The following DIP2C variants were observed in gnomAD, a reference collection of about 807,000 sequenced individuals.
DIP2C encodes the protein DIP2 acetate--CoA ligase C (putative).
Under a neutral mutation model 192.4 loss-of-function variants are expected in DIP2C, and 33 were observed. That is an observed-to-expected ratio of 0.17 (90% CI 0.13 to 0.23). DIP2C has a LOEUF of 0.23. DIP2C is among the 10% of genes least tolerant of loss of function. The pLI, the probability that DIP2C is intolerant of heterozygous loss-of-function variation, is 1.00. For synonymous variants in DIP2C, 979 were observed against 864.1 expected, an observed-to-expected ratio of 1.13 and a Z score of -2.33; for missense variants, 1,537 against 2,110.1, an observed-to-expected ratio of 0.73 and a Z score of 5.32.
At chr10:672,118 G>A (rs1830679351) in intron 1 of DIP2C, among the ~76,000 whole-genome samples, 1 of 150,624 alleles carries the variant, frequency 6.6e-6, no homozygotes. Flanking sequence ...CGCACGGAGG[G>A]AGGAAACGTC....
intron 31 of DIP2C, among the ~76,000 whole-genome samples, chr10:320,929 G>T (rs931572257): frequency 2.0e-5 from 3 of 152,220 alleles, no homozygotes; most frequent in African/African-American, 7.2e-5. Flanking sequence ...GACAGAGTTC[G>T]AGAAGGCCCC....
intron 1 of DIP2C, among the ~76,000 whole-genome samples, chr10:674,789 T>TATATATATAGAGAGAGAG: frequency 4.5e-4 from 28 of 62,476 alleles, no homozygotes; most frequent in African/African-American, 1.3e-3. Context: ...TATATATATA[T>TATATATATAGAGAGAGAG]AGAGAGAGAG....
At chr10:512,048 A>C (rs1846050595) in intron 1 of DIP2C, among the ~76,000 whole-genome samples, 1 of 152,226 alleles carries the variant, frequency 6.6e-6, no homozygotes, top group African/African-American at 2.4e-5. Context: ...GGTCGCCCAC[A>C]GACGGCCGTT....
At chr10:373,625 C>A (rs1961242755) in intron 17 of DIP2C, among the ~76,000 whole-genome samples, 1 of 152,070 alleles carries the variant, frequency 6.6e-6, no homozygotes, top group Non-Finnish European at 1.5e-5. Context: ...CCCTGACACA[C>A]CATAAACTAA....
At chr10:592,111 T>C (rs865873863) in intron 1 of DIP2C, among the ~76,000 whole-genome samples, 6 of 152,240 alleles carry the variant, frequency 3.9e-5, no homozygotes, top group Non-Finnish European at 7.3e-5. Context: ...TATAAACGTA[T>C]AATTAGACAT....
intron 2 of DIP2C, among the ~76,000 whole-genome samples, chr10:477,865 C>T (rs1564762750): frequency 9.0e-6 from 1 of 110,808 alleles, no homozygotes; most frequent in African/African-American, 3.7e-5. Context: ...GTGAAGGAAG[C>T]AGAGAGAAGA....
At chr10:438,198 TCA>T (rs1173583940) in intron 4 of DIP2C, among the ~76,000 whole-genome samples, 1 of 152,192 alleles carries the variant, frequency 6.6e-6, no homozygotes, top group African/African-American at 2.4e-5. Flanking sequence ...AGGTTATTCA[TCA>T]CACATGACCC....
chr10:650,625 C>A (rs1855818867), intron 1 of DIP2C, among the ~76,000 whole-genome samples: 1 of 152,212 alleles, frequency 6.6e-6, no homozygotes, highest in South Asian at 2.1e-4. Flanking sequence ...CTTCCACCTG[C>A]CGAGGGCCGG....
chr10:464,658 T>A (rs577049694), intron 3 of DIP2C, among the ~76,000 whole-genome samples: 3 of 152,234 alleles, frequency 2.0e-5, no homozygotes, highest in Non-Finnish European at 4.4e-5. Flanking sequence ...TAAATCATGA[T>A]ACTATAAAGA....
At chr10:609,648 T>C (rs1262259399) in intron 1 of DIP2C, among the ~76,000 whole-genome samples, 1 of 152,228 alleles carries the variant, frequency 6.6e-6, no homozygotes, top group African/African-American at 2.4e-5. Context: ...TTAGAGTATT[T>C]AACAGGATAA....
At chr10:385,588 G>A (rs1038827921) in intron 14 of DIP2C, among the ~76,000 whole-genome samples, 7 of 152,148 alleles carry the variant, frequency 4.6e-5, no homozygotes, top group Non-Finnish European at 1.0e-4. Context: ...GGCTCTGGCC[G>A]GGCCTTGCTG....
chr10:644,938 A>G (rs1018773310), intron 1 of DIP2C, among the ~76,000 whole-genome samples: 1 of 152,232 alleles, frequency 6.6e-6, no homozygotes, highest in Non-Finnish European at 1.5e-5. Context: ...ATTACAGTGA[A>G]GATGGATGAG....
In DIP2C at chr10:283,326, G is replaced by A. The variant is rs534481067; in HGVS notation, c.4240C>T (p.Arg1414Cys). Residue 1414 changes from arginine (R) to cysteine (C), a missense_variant, in exon 35 of 37, where the codon CGC becomes TGC. This residue lies in a region of DIP2C where 341 missense variants were observed against 551.7 expected (regional missense o/e 0.62). Transcript: ENST00000280886. ...CGCAGGAACCCCAAGTAGCCTGTGC[G>A]TGCCCAGATGGTCTGGGTGTCTCCA... ...SFGDTQTIWA[R>C]TGYLGFLRRT... 1.2e-4 allele frequency: 201 copies of A among 1,613,992 alleles called. No homozygotes were observed. The highest frequency in any genetic ancestry group is 1.6e-4 in the Non-Finnish European group (184 of 1,179,996).
chr10:549,054 G>C (rs1014702319), intron 1 of DIP2C, among the ~76,000 whole-genome samples: 1 of 151,634 alleles, frequency 6.6e-6, no homozygotes, highest in Non-Finnish European at 1.5e-5. Context: ...TAGTTAGTCA[G>C]AATTAAAGGC....
At chr10:642,961 T>C (rs992593383) in intron 1 of DIP2C, among the ~76,000 whole-genome samples, 1 of 152,048 alleles carries the variant, frequency 6.6e-6, no homozygotes, top group African/African-American at 2.4e-5. Flanking sequence ...CTCAGCACTT[T>C]GGGAGGCCAA....
At chr10:657,720 CCTGGACCTGCCGCTGGACCTGACA>C (rs1353348071) in intron 1 of DIP2C, among the ~76,000 whole-genome samples, 1 of 131,554 alleles carries the variant, frequency 7.6e-6, no homozygotes, top group East Asian at 2.4e-4. Flanking sequence ...TGGACCTGCC[CCTGGACCTGCCGCTGGACCTGACA>C]CTGGACCTGC....
At chr10:388,819 A>C (rs571969300) in intron 13 of DIP2C, among the ~76,000 whole-genome samples, 1 of 152,320 alleles carries the variant, frequency 6.6e-6, no homozygotes. Flanking sequence ...CCAGAAAGAG[A>C]CGCCAGGCAG....
chr10:476,060 A>G (rs1337204298), intron 2 of DIP2C, among the ~76,000 whole-genome samples: 1 of 152,252 alleles, frequency 6.6e-6, no homozygotes, highest in Non-Finnish European at 1.5e-5. Flanking sequence ...TCTCAGGAGC[A>G]TCACAGGAAG....
At chr10:599,556 C>T (rs1378433816) in intron 1 of DIP2C, among the ~76,000 whole-genome samples, 2 of 152,118 alleles carry the variant, frequency 1.3e-5, no homozygotes, top group East Asian at 1.9e-4. Context: ...GGTCAGTGAA[C>T]GAAAGGCAGT....
Sources: allele counts gnomAD v4.1 joint callset (sites outside exome capture counted in the v4.1 genomes callset), GRCh38; gene constraint gnomAD v4.1.1; regional missense constraint gnomAD v4.1.1; transcripts MANE v1.5; gene names NCBI Gene and HGNC (gene_info 2026-07-23, HGNC 2026-07-21).